Variants in COL25A1 observed in about 807,000 individuals in gnomAD.
COL25A1 encodes collagen type XXV alpha 1 chain.
COL25A1 carries 103 observed loss-of-function variants against 128.4 expected under a neutral mutation model. The ratio of observed to expected loss-of-function variants is 0.80; its 90% CI spans 0.68 to 0.94. The LOEUF (loss-of-function observed/expected upper bound fraction) is 0.94, where lower values mean the gene tolerates loss of function less well. Ranked by LOEUF, COL25A1 falls within the 40% of genes least tolerant of loss-of-function variation. COL25A1 has a pLI of 0.00. For missense variants in COL25A1, 745 were observed against 840.0 expected (o/e 0.89, Z 1.40); for synonymous variants, 279 against 277.2 (o/e 1.01, Z -0.06).
chr4:108,929,468 G>C (rs1341289178), intron 11 of COL25A1, among the ~76,000 whole-genome samples: 1 of 152,054 alleles, frequency 6.6e-6, no homozygotes, highest in Non-Finnish European at 1.5e-5. Flanking sequence ...TTGTCCTCAT[G>C]AAAATCATCC....
At chr4:109,099,510 A>C (rs1462259296) in intron 3 of COL25A1, among the ~76,000 whole-genome samples, 1 of 152,124 alleles carries the variant, frequency 6.6e-6, no homozygotes, top group Non-Finnish European at 1.5e-5. Flanking sequence ...ATATGTTAAC[A>C]TCAAAAATAA....
intron 3 of COL25A1, among the ~76,000 whole-genome samples, chr4:109,197,330 ATATATATATAT>A (rs547046886): frequency 1.0e-4 from 14 of 134,794 alleles, no homozygotes; most frequent in South Asian, 2.2e-4. Context: ...TGTCTCAAGT[ATATATATATAT>A]TATATATATA....
chr4:108,813,530 T>G lies in COL25A1; in HGVS notation c.*397A>C, dbSNP rs1251456647. 3 of 190,026 alleles carry G rather than the reference T, an allele frequency of 1.6e-5. No homozygotes were observed. Among genetic ancestry groups the G allele is most frequent in the East Asian group, 2.9e-4 (2 of 6,810 alleles). 11.8% of individuals were successfully genotyped at this position (190,026 alleles called of 1,614,324 possible). On this transcript the variant is annotated 3_prime_UTR_variant, in exon 38 of 38. Transcript: ENST00000399132. ...TAATCAGCTCTAAAATCAGTCAGTATAGTACATTTTCATAGCTTTGAGTCC... is the reference window on the plus strand; with the variant it reads ...TAATCAGCTCTAAAATCAGTCAGTAGAGTACATTTTCATAGCTTTGAGTCC...
intron 3 of COL25A1, among the ~76,000 whole-genome samples, chr4:109,183,204 A>G (rs1481490173): frequency 1.3e-5 from 2 of 152,082 alleles, no homozygotes; most frequent in Non-Finnish European, 2.9e-5. Context: ...AATTAAATTA[A>G]CCCAACCAGC....
At chr4:108,916,427 A>C (rs2125892732) in intron 13 of COL25A1, among the ~76,000 whole-genome samples, 1 of 152,338 alleles carries the variant, frequency 6.6e-6, no homozygotes, top group Non-Finnish European at 1.5e-5. Flanking sequence ...AAAATAAAGA[A>C]TATGCAGTCT....
intron 11 of COL25A1, among the ~76,000 whole-genome samples, chr4:108,929,348 T>C (rs1314494954): frequency 5.9e-5 from 9 of 152,024 alleles, no homozygotes; most frequent in Non-Finnish European, 1.3e-4. Context: ...GGTCTCAAAC[T>C]CCTGACCTCA....
chr4:108,945,356 T>A (rs75226176), intron 8 of COL25A1, among the ~76,000 whole-genome samples: 2 of 152,206 alleles, frequency 1.3e-5, no homozygotes, highest in African/African-American at 4.8e-5. Context: ...GTTTGTAAAG[T>A]ACAGGTGTTG....
chr4:108,841,602 A>G, intron 31 of COL25A1, 93 bp downstream of exon 31: 1 of 1,042,140 alleles, frequency 9.6e-7, no homozygotes, highest in Non-Finnish European at 1.5e-6. Flanking sequence ...TTACTTGACA[A>G]ATAAATAAGA....
At chr4:108,904,902 G>A (rs1356157872) in intron 13 of COL25A1, among the ~76,000 whole-genome samples, 2 of 92,098 alleles carry the variant, frequency 2.2e-5, no homozygotes. Context: ...ATGGCTTGCT[G>A]CTTTCATTTT....
At chr4:108,925,551 G>A (rs1213761052) in intron 11 of COL25A1, among the ~76,000 whole-genome samples, 1 of 152,144 alleles carries the variant, frequency 6.6e-6, no homozygotes, top group Non-Finnish European at 1.5e-5. Flanking sequence ...ATACAAACAG[G>A]GAAGAACAAT....
intron 3 of COL25A1, among the ~76,000 whole-genome samples, chr4:109,268,088 A>G (rs765282123): frequency 2.0e-5 from 3 of 152,070 alleles, no homozygotes; most frequent in Non-Finnish European, 4.4e-5. Context: ...CTGATTGAAA[A>G]CTCACATTTG....
In COL25A1 at chr4:108,810,817, AAAAAT is replaced by A. The variant is rs1357512911; in HGVS notation, c.*3105_*3109del. On this transcript the variant is annotated 3_prime_UTR_variant, in exon 38 of 38. Transcript: ENST00000399132. ...TAATTATAGCAAATTCATGAACTTT[AAAAAT>A]AAAATAACACACTAATGATTTAGGA... 9.2e-5 allele frequency: 14 copies of A among 152,090 alleles called. No homozygotes were observed. The highest frequency in any genetic ancestry group is 3.3e-4 in the Admixed American group (5 of 15,284). The allele number at this position is 152,090 out of a possible 1,614,324, so 9.4% of individuals were successfully genotyped here. A position where few individuals can be genotyped will look rare whatever the true frequency, so the allele number is the denominator to read the frequency against.
At chr4:108,935,635 A>T (rs1271072427) in intron 11 of COL25A1, among the ~76,000 whole-genome samples, 1 of 152,178 alleles carries the variant, frequency 6.6e-6, no homozygotes, top group Non-Finnish European at 1.5e-5. Flanking sequence ...TAGAAAAAAA[A>T]AACCAGTATT....
chr4:109,059,113 C>G (rs974286089), intron 3 of COL25A1, among the ~76,000 whole-genome samples: 5 of 152,146 alleles, frequency 3.3e-5, no homozygotes, highest in Non-Finnish European at 4.4e-5. Context: ...GCACAAAATA[C>G]TAGGAAATAA....
At chr4:109,266,704 A>C (rs1781825663) in intron 3 of COL25A1, among the ~76,000 whole-genome samples, 1 of 152,140 alleles carries the variant, frequency 6.6e-6, no homozygotes, top group Non-Finnish European at 1.5e-5. Flanking sequence ...GATTACTCTC[A>C]ACCATAGAAA....
intron 16 of COL25A1, among the ~76,000 whole-genome samples, 165 bp downstream of exon 16, chr4:108,896,501 CT>C (rs1742167268): frequency 6.6e-6 from 1 of 151,956 alleles, no homozygotes; most frequent in Non-Finnish European, 1.5e-5. Flanking sequence ...GAATAATCAC[CT>C]TTTATAAATC....
intron 3 of COL25A1, among the ~76,000 whole-genome samples, chr4:109,136,353 C>T (rs1333267995): frequency 6.6e-6 from 1 of 152,132 alleles, no homozygotes; most frequent in African/African-American, 2.4e-5. Flanking sequence ...GAGCCGAGAT[C>T]ATGACATTGC....
chr4:108,904,836 C>T (rs1181594996), intron 13 of COL25A1, among the ~76,000 whole-genome samples: 3 of 152,000 alleles, frequency 2.0e-5, no homozygotes, highest in African/African-American at 4.8e-5. Context: ...ATGACCATTC[C>T]AAAATGGCCA....
intron 3 of COL25A1, among the ~76,000 whole-genome samples, chr4:109,150,049 TGTGA>T (rs1313462554): frequency 1.3e-4 from 20 of 151,532 alleles, no homozygotes; most frequent in Non-Finnish European, 2.4e-4. Flanking sequence ...TGTGTGTATG[TGTGA>T]GTATGTATGC....
Sources: allele counts gnomAD v4.1 joint callset (sites outside exome capture counted in the v4.1 genomes callset), GRCh38; gene constraint gnomAD v4.1.1; transcripts MANE v1.5; gene names NCBI Gene and HGNC (gene_info 2026-07-23, HGNC 2026-07-21).